The following KHDRBS2 variants were observed in gnomAD, a reference collection of about 807,000 sequenced individuals.
KHDRBS2 encodes KH domain-containing, RNA-binding, signal transduction-associated protein 2.
KHDRBS2 carries 26 observed loss-of-function variants against 44.3 expected under a neutral mutation model. That is an observed-to-expected ratio of 0.59 (90% CI 0.43 to 0.81). The LOEUF (loss-of-function observed/expected upper bound fraction) is 0.81, where lower values mean the gene tolerates loss of function less well. Ranked by LOEUF, KHDRBS2 falls within the 40% of genes least tolerant of loss-of-function variation. The pLI is 0.00. For synonymous variants in KHDRBS2, 194 were observed against 151.1 expected, an observed-to-expected ratio of 1.28 and a Z score of -2.08; for missense variants, 476 against 433.1, an observed-to-expected ratio of 1.10 and a Z score of -0.88.
chr6:62,273,431 A>T (rs2150190325), intron 1 of KHDRBS2, among the ~76,000 whole-genome samples: 1 of 152,286 alleles, frequency 6.6e-6, no homozygotes, highest in Middle Eastern at 3.4e-3. Flanking sequence ...ATCTACTGCA[A>T]CATTTGAAAA....
chr6:62,084,144 C>T (rs1160518205), intron 2 of KHDRBS2, among the ~76,000 whole-genome samples: 1 of 152,038 alleles, frequency 6.6e-6, no homozygotes, highest in South Asian at 2.1e-4. Flanking sequence ...ATGGAGATTG[C>T]AGATGCTTCC....
chr6:62,203,317 G>T (rs1306683391), intron 1 of KHDRBS2, among the ~76,000 whole-genome samples: 2 of 152,076 alleles, frequency 1.3e-5, no homozygotes, highest in African/African-American at 4.8e-5. Context: ...CAGATAGGAT[G>T]CCAGTGCAAT....
At chr6:62,106,318 A>G (rs769362388) in intron 2 of KHDRBS2, among the ~76,000 whole-genome samples, 84 of 152,098 alleles carry the variant, frequency 5.5e-4, no homozygotes, top group Non-Finnish European at 1.0e-3. Flanking sequence ...AGCTGAGTTC[A>G]ATTCCAGGGG....
intron 2 of KHDRBS2, among the ~76,000 whole-genome samples, chr6:62,085,402 G>A (rs994310874): frequency 2.4e-4 from 36 of 151,946 alleles, no homozygotes; most frequent in African/African-American, 8.7e-4. Context: ...TGAAAGCAGT[G>A]GAAAATTATC....
intron 5 of KHDRBS2, among the ~76,000 whole-genome samples, chr6:61,897,521 AC>A (rs1803132587): frequency 6.6e-6 from 1 of 152,086 alleles, no homozygotes; most frequent in African/African-American, 2.4e-5. Context: ...CAGGCTAGAC[AC>A]CAAAAATTTA....
the KHDRBS2 span, among the ~76,000 whole-genome samples, chr6:61,649,160 G>A: frequency 4.6e-5 from 7 of 152,154 alleles, no homozygotes; most frequent in African/African-American, 9.6e-5. Flanking sequence ...GGAACTCCTA[G>A]GAGAGAGGGG....
chr6:61,579,128 A>G, the KHDRBS2 span, among the ~76,000 whole-genome samples: 29 of 152,254 alleles, frequency 1.9e-4, no homozygotes, highest in African/African-American at 6.3e-4. Context: ...TAGAGAACAC[A>G]TTAGCTATTG....
rs1187865680 is a variant in KHDRBS2 at position 61,794,642 on chromosome 6, G to GCT, written c.811-61880_811-61879dup. Reference sequence around the variant, plus strand: ...ACAACATGGAATCAGAGTAGTGGAAGCTCTGCAAATTAGGAGACCATTGAC... The same window carrying GCT: ...ACAACATGGAATCAGAGTAGTGGAAGCTCTCTGCAAATTAGGAGACCATTGAC... On this transcript the variant is annotated intron_variant, in intron 6 of 8. Transcript: ENST00000281156. Among the ~76,000 whole-genome samples the GCT allele has an allele frequency of 9.2e-5, 14 of 152,184 alleles. No individual in the cohort carries two copies. In the East Asian group the frequency reaches 2.7e-3, roughly 29 times the overall value.
chr6:61,978,847 C>A (rs982903469), intron 3 of KHDRBS2, among the ~76,000 whole-genome samples: 5 of 152,020 alleles, frequency 3.3e-5, no homozygotes, highest in African/African-American at 1.2e-4. Flanking sequence ...GGCATTGATT[C>A]TGCATGGGCT....
chr6:61,886,274 A>G (rs551577027), intron 6 of KHDRBS2, among the ~76,000 whole-genome samples: 71 of 152,244 alleles, frequency 4.7e-4, no homozygotes, highest in African/African-American at 1.7e-3. Context: ...TTTCCCTGCT[A>G]TCTTAAACTA....
chr6:61,780,229 G>A (rs780982107), intron 6 of KHDRBS2, among the ~76,000 whole-genome samples: 1 of 152,142 alleles, frequency 6.6e-6, no homozygotes, highest in Non-Finnish European at 1.5e-5. Context: ...GGCCGGATGC[G>A]GTGGCTCATG....
At chr6:61,584,120 C>A in the KHDRBS2 span, among the ~76,000 whole-genome samples, 1 of 151,656 alleles carries the variant, frequency 6.6e-6, no homozygotes, top group Non-Finnish European at 1.5e-5. Context: ...GTCCTTAGAA[C>A]TTTCTAAATA....
intron 6 of KHDRBS2, among the ~76,000 whole-genome samples, chr6:61,847,685 T>A (rs1029372589): frequency 6.6e-6 from 1 of 152,106 alleles, no homozygotes; most frequent in Admixed American, 6.6e-5. Flanking sequence ...GTGATCTGCA[T>A]CATATTTTGG....
At chr6:61,676,307 T>A (rs922614693), downstream of KHDRBS2, among the ~76,000 whole-genome samples, 2 of 151,872 alleles carry the variant, frequency 1.3e-5, no homozygotes, top group Non-Finnish European at 2.9e-5. Flanking sequence ...TATATATAAT[T>A]ATATTTTTCT....
chr6:62,283,259 C>A (rs1842040501), intron 1 of KHDRBS2, among the ~76,000 whole-genome samples: 1 of 152,044 alleles, frequency 6.6e-6, no homozygotes. Context: ...ACAGCACAAA[C>A]AAGTGAAATA....
intron 1 of KHDRBS2, among the ~76,000 whole-genome samples, chr6:62,242,188 A>T: frequency 6.6e-6 from 1 of 152,212 alleles, no homozygotes; most frequent in Non-Finnish European, 1.5e-5. Flanking sequence ...TTACAGACTT[A>T]AGAACCCAGT....
chr6:61,612,354 T>A, the KHDRBS2 span, among the ~76,000 whole-genome samples: 1 of 152,204 alleles, frequency 6.6e-6, no homozygotes, highest in Non-Finnish European at 1.5e-5. Flanking sequence ...AGTCTAAGAT[T>A]TATGGCAATC....
the KHDRBS2 span, among the ~76,000 whole-genome samples, chr6:61,564,493 T>C: frequency 6.6e-6 from 1 of 152,142 alleles, no homozygotes; most frequent in Non-Finnish European, 1.5e-5. Flanking sequence ...TGTTTGTCTA[T>C]AGCATTTTAT....
chr6:61,754,150 C>T (rs1778141869), intron 6 of KHDRBS2, among the ~76,000 whole-genome samples: 1 of 152,082 alleles, frequency 6.6e-6, no homozygotes. Context: ...TTTGTTACAG[C>T]AGCATTAGGT....
Sources: allele counts gnomAD v4.1 joint callset (sites outside exome capture counted in the v4.1 genomes callset), GRCh38; gene constraint gnomAD v4.1.1; transcripts MANE v1.5; gene names NCBI Gene and HGNC (gene_info 2026-07-23, HGNC 2026-07-21).